CLINT1: variants seen among roughly 807,000 people sequenced by gnomAD.
The protein encoded by CLINT1 is clathrin interacting protein localized in the trans-Golgi region.
CLINT1 carries 15 observed loss-of-function variants against 70.4 expected under a neutral mutation model. The observed-to-expected ratio is 0.21, with a 90% CI of 0.14 to 0.33. The LOEUF is 0.33. Among genes scored for constraint, CLINT1 ranks in the 10% least tolerant of loss-of-function variants. The pLI, the probability that CLINT1 is intolerant of heterozygous loss-of-function variation, is 1.00. For synonymous variants in CLINT1, 227 were observed against 254.7 expected, an observed-to-expected ratio of 0.89 and a Z score of 1.04; for missense variants, 615 against 778.1, an observed-to-expected ratio of 0.79 and a Z score of 2.49.
At chr5:157,807,088 A>G (rs576819202) in intron 6 of CLINT1, among the ~76,000 whole-genome samples, 134 of 137,160 alleles carry the variant, frequency 9.8e-4, no homozygotes, top group Admixed American at 1.2e-3. Context: ...AATATTCTGG[A>G]ATATAATGTT....
At chr5:157,804,150 C>T (rs80223878) in intron 7 of CLINT1, among the ~76,000 whole-genome samples, 28 of 151,806 alleles carry the variant, frequency 1.8e-4, no homozygotes, top group Non-Finnish European at 3.5e-4. Flanking sequence ...TAAAGTCTTA[C>T]AAGAAAGCTC....
At chr5:157,852,189 G>C (rs1753598622) in intron 1 of CLINT1, among the ~76,000 whole-genome samples, 1 of 152,126 alleles carries the variant, frequency 6.6e-6, no homozygotes, top group African/African-American at 2.4e-5. Flanking sequence ...AAAACAAGCT[G>C]AACAAAATAT....
chr5:157,830,796 C>CTCTATA (rs1300619885), intron 1 of CLINT1, among the ~76,000 whole-genome samples: 336 of 85,668 alleles, frequency 3.9e-3, no homozygotes, highest in East Asian at 0.023. Context: ...CTCTCTCTCT[C>CTCTATA]TATATATATA....
At chr5:157,839,621 AC>A (rs1292158510) in intron 1 of CLINT1, among the ~76,000 whole-genome samples, 64 of 146,388 alleles carry the variant, frequency 4.4e-4, no homozygotes, top group African/African-American at 1.6e-3. Context: ...AAAAAAAAAA[AC>A]AAACAAAAAA....
Position 157,858,967 on chromosome 5 carries a change from A to G in CLINT1, c.4T>C (p.Leu2=), listed in dbSNP as rs772065946. 3 of 1,604,590 alleles carry G rather than the reference A, an allele frequency of 1.9e-6. No homozygotes were observed. Among genetic ancestry groups the G allele is most frequent in the East Asian group, 4.5e-5 (2 of 44,080 alleles). The change falls in exon 1 of 12, where the codon TTG becomes CTG. Residue 2 remains leucine (L), a synonymous_variant. Transcript: ENST00000411809. The part of the protein sequence containing the change: M[L]NMWKVRELVD... ...AGCTCGCGCACCTTCCACATGTTCA[A>G]CATCGTGCCCCGCGCGGGACGGTCC...
At chr5:157,846,654 G>A (rs925450256) in intron 1 of CLINT1, among the ~76,000 whole-genome samples, 2 of 152,180 alleles carry the variant, frequency 1.3e-5, no homozygotes, top group African/African-American at 4.8e-5. Flanking sequence ...GAGATGAAAC[G>A]GCCTTCCAGT....
chr5:157,817,658 C>A, intron 1 of CLINT1, 111 bp from the exon 2 acceptor site: 1 of 661,350 alleles, frequency 1.5e-6, no homozygotes, highest in South Asian at 1.8e-5. Context: ...GCTACCTCTA[C>A]AGGATGGGAG....
chr5:157,809,589 C>A (rs1554099343), intron 6 of CLINT1, 39 bp downstream of exon 6: 1 of 1,471,628 alleles, frequency 6.8e-7, no homozygotes, highest in South Asian at 1.3e-5. Context: ...AAATTTAGGG[C>A]TCTTTCTAAG....
At position 157,813,245 on chromosome 5, in the gene CLINT1, G is replaced by A. The variant is rs374875143; in HGVS notation, c.353-18C>T. 2 of 1,595,234 alleles carry A rather than the reference G, an allele frequency of 1.3e-6. No individual in the cohort carries two copies. Among genetic ancestry groups the A allele is most frequent in the African/African-American group, 1.3e-5 (1 of 74,340 alleles). Reference sequence around the variant, plus strand: ...ATGCTCATCTATGAGGATGGTAAGAGATAAGCAAAACCTAAGAATTCACTT... The same window carrying A: ...ATGCTCATCTATGAGGATGGTAAGAAATAAGCAAAACCTAAGAATTCACTT... On this transcript the variant is annotated intron_variant, in intron 4 of 11. Transcript: ENST00000411809.
chr5:157,799,948 T>G (rs1371550010), intron 8 of CLINT1, among the ~76,000 whole-genome samples: 1 of 152,164 alleles, frequency 6.6e-6, no homozygotes, highest in Non-Finnish European at 1.5e-5. Flanking sequence ...TATAGTATTG[T>G]ATATGGGACC....
chr5:157,788,968 GAAAAAAA>G (rs58634730), intron 11 of CLINT1, among the ~76,000 whole-genome samples: 79 of 95,608 alleles, frequency 8.3e-4, no homozygotes, highest in Non-Finnish European at 4.2e-4. Context: ...CTCCATCTCA[GAAAAAAA>G]AAAAAAAAAA....
At chr5:157,794,836 G>A (rs1159593032) in intron 9 of CLINT1, 62 bp downstream of exon 9, 3 of 1,164,530 alleles carry the variant, frequency 2.6e-6, no homozygotes, top group East Asian at 2.6e-5. Context: ...GGGGGGAATG[G>A]GAGTTGTTTT....
intron 5 of CLINT1, among the ~76,000 whole-genome samples, chr5:157,810,238 A>G (rs1405286238): frequency 1.3e-5 from 2 of 152,240 alleles, no homozygotes; most frequent in Non-Finnish European, 2.9e-5. Context: ...TAGCAACAGT[A>G]TCTTAAAAAA....
intron 6 of CLINT1, 94 bp downstream of exon 6, chr5:157,809,534 A>T: frequency 9.8e-7 from 1 of 1,021,110 alleles, no homozygotes; most frequent in Non-Finnish European, 1.4e-6. Flanking sequence ...AGATAATGTT[A>T]ATACCCCAAA....
At chr5:157,847,112 C>T (rs984454203) in intron 1 of CLINT1, among the ~76,000 whole-genome samples, 11 of 152,174 alleles carry the variant, frequency 7.2e-5, no homozygotes, top group African/African-American at 2.7e-4. Context: ...AAAATACATT[C>T]CATAAGGCTG....
At chr5:157,806,664 G>T (rs1304700774) in intron 6 of CLINT1, among the ~76,000 whole-genome samples, 1 of 152,082 alleles carries the variant, frequency 6.6e-6, no homozygotes, top group Non-Finnish European at 1.5e-5. Context: ...ATCTGTAAAT[G>T]CATGAAAATA....
chr5:157,851,771 A>G (rs1753585412), intron 1 of CLINT1, among the ~76,000 whole-genome samples: 1 of 152,120 alleles, frequency 6.6e-6, no homozygotes, highest in Non-Finnish European at 1.5e-5. Flanking sequence ...ATTCATGTGC[A>G]CTGTTGCACA....
At chr5:157,806,281 A>G (rs254671) in intron 6 of CLINT1, among the ~76,000 whole-genome samples, 169 bp from the exon 7 acceptor site, 130,786 of 152,176 alleles carry the variant, frequency 0.86, 56,554 homozygotes, top group African/African-American at 0.97. Flanking sequence ...ATAATGATAT[A>G]TGTGCGCTGG....
intron 1 of CLINT1, among the ~76,000 whole-genome samples, chr5:157,832,464 T>A (rs188855677): frequency 6.6e-6 from 1 of 152,346 alleles, no homozygotes; most frequent in Admixed American, 6.5e-5. Context: ...TTTGGGGAAC[T>A]ATTTGTTTGG....
Sources: gnomAD v4.1 joint callset for allele counts (sites outside exome capture counted in the v4.1 genomes callset) on GRCh38, gnomAD v4.1.1 for gene constraint, MANE v1.5 for transcripts, NCBI Gene and HGNC (gene_info 2026-07-23, HGNC 2026-07-21) for gene names.